TCP11L1: variants seen among roughly 807,000 people sequenced by gnomAD.
The protein encoded by TCP11L1 is T-complex protein 11-like protein 1.
Under a neutral mutation model 48.9 loss-of-function variants are expected in TCP11L1, and 28 were observed. The ratio of observed to expected loss-of-function variants is 0.57; its 90% confidence interval spans 0.42 to 0.78. The LOEUF (loss-of-function observed/expected upper bound fraction) is 0.78. TCP11L1 is among the 30% of genes least tolerant of loss of function. TCP11L1 has a pLI of 0.00. For missense variants in TCP11L1, 505 were observed against 613.4 expected, an observed-to-expected ratio of 0.82 and a Z score of 1.87; for synonymous variants, 204 against 231.9, an observed-to-expected ratio of 0.88 and a Z score of 1.09.
chr11:33,063,051 A>T (rs1407517018), intron 7 of TCP11L1, among the ~76,000 whole-genome samples: 1 of 152,168 alleles, frequency 6.6e-6, no homozygotes, highest in South Asian at 2.1e-4. Flanking sequence ...TTTTGTGGAG[A>T]CAGGGGTCTC....
rs555879796 is a variant in TCP11L1, at chr11:33,068,823, G to A, written c.1291G>A (p.Val431Met). ...ETVLKGQIQA[V>M]ASPDDPIRRI... is the part of the protein sequence containing the mutation. ...CGTGCTCAAGGGCCAGATCCAGGCC[G>A]TGGCCAGTCCCGATGACCCCATTCG... Residue 431 changes from valine (V) to methionine (M), a missense_variant, in exon 9 of 10, where the codon GTG becomes ATG. Val to Met is a conservative substitution (Grantham distance 21). Coordinates refer to ENST00000334274, the MANE Select transcript of TCP11L1 (RefSeq NM_018393.4). 1.1e-5 allele frequency: 18 copies of A among 1,613,972 alleles called. No homozygotes were observed. Among genetic ancestry groups the A allele is most frequent in the African/African-American group, 6.7e-5 (5 of 74,930 alleles).
intron 2 of TCP11L1, 84 bp downstream of exon 2, chr11:33,044,020 C>T (rs554117751): frequency 1.9e-5 from 26 of 1,369,564 alleles, no homozygotes; most frequent in Admixed American, 5.0e-5. Flanking sequence ...TGCATGTGGC[C>T]GTGAGCTAGG....
At chr11:33,063,004 A>G (rs111590915) in intron 7 of TCP11L1, among the ~76,000 whole-genome samples, 1,555 of 152,134 alleles carry the variant, frequency 0.01, 19 homozygotes, top group African/African-American at 0.035. Flanking sequence ...GGACTACAAG[A>G]GTGTACCACC....
chr11:33,066,303 A>T (rs945645210), intron 8 of TCP11L1, among the ~76,000 whole-genome samples: 1 of 152,142 alleles, frequency 6.6e-6, no homozygotes, highest in African/African-American at 2.4e-5. Context: ...CACACCAAGG[A>T]GTTGGGTTAT....
intron 2 of TCP11L1, among the ~76,000 whole-genome samples, chr11:33,053,840 A>T (rs1334107212): frequency 2.0e-5 from 3 of 151,808 alleles, no homozygotes; most frequent in Non-Finnish European, 2.9e-5. Flanking sequence ...TTTTATTTTT[A>T]TTTTTTTGAG....
intron 1 of TCP11L1, among the ~76,000 whole-genome samples, chr11:33,042,680 C>T (rs984123199): frequency 9.2e-5 from 14 of 152,176 alleles, no homozygotes; most frequent in African/African-American, 3.1e-4. Context: ...TGGCTGTAAT[C>T]CCAGTACTTT....
intron 1 of TCP11L1, among the ~76,000 whole-genome samples, chr11:33,042,283 C>T (rs887166117): frequency 7.2e-5 from 11 of 152,156 alleles, no homozygotes; most frequent in African/African-American, 2.2e-4. Context: ...GGCACCGCCA[C>T]CATGCCAGGC....
At chr11:33,054,868 A>G in intron 3 of TCP11L1, 143 bp downstream of exon 3, 1 of 1,087,374 alleles carries the variant, frequency 9.2e-7, no homozygotes, top group Non-Finnish European at 1.3e-6. Context: ...TGAACAAGGA[A>G]CAACCTAAAA....
intron 8 of TCP11L1, among the ~76,000 whole-genome samples, chr11:33,067,738 C>T (rs1854658104): frequency 3.9e-5 from 6 of 152,134 alleles, no homozygotes. Context: ...AGTAATTCTA[C>T]ATACAAAGGA....
At chr11:33,070,610 G>A (rs1238768878) in intron 9 of TCP11L1, among the ~76,000 whole-genome samples, 3 of 148,326 alleles carry the variant, frequency 2.0e-5, no homozygotes, top group Non-Finnish European at 3.0e-5. Context: ...GCTTGAACCT[G>A]AAAGGTGGAG....
At chr11:33,048,904 T>C (rs896007577) in intron 2 of TCP11L1, among the ~76,000 whole-genome samples, 8 of 152,162 alleles carry the variant, frequency 5.3e-5, no homozygotes, top group African/African-American at 1.9e-4. Context: ...GTTTCATGAC[T>C]AGGCAGCATA....
intron 9 of TCP11L1, among the ~76,000 whole-genome samples, chr11:33,070,400 AG>A (rs1854747060): frequency 6.6e-6 from 1 of 152,204 alleles, no homozygotes; most frequent in African/African-American, 2.4e-5. Flanking sequence ...CTTAAGAATA[AG>A]GGTGCTGAGC....
At chr11:33,057,625 C>T (rs1854347580) in intron 4 of TCP11L1, among the ~76,000 whole-genome samples, 1 of 152,180 alleles carries the variant, frequency 6.6e-6, no homozygotes, top group Non-Finnish European at 1.5e-5. Context: ...TGGAAATTGT[C>T]ATCAGCTATG....
intron 8 of TCP11L1, among the ~76,000 whole-genome samples, chr11:33,068,040 C>A (rs571513971): frequency 1.4e-4 from 22 of 152,188 alleles, no homozygotes; most frequent in Admixed American, 1.4e-3. Context: ...CCACAGTCTC[C>A]TGAGTAGCTG....
At chr11:33,070,685 CA>C (rs1182483117) in intron 9 of TCP11L1, among the ~76,000 whole-genome samples, 15,139 of 71,558 alleles carry the variant, frequency 0.21, 838 homozygotes, top group East Asian at 0.36. Context: ...AAGTCTGTCT[CA>C]AAAAAAAAAA....
rs192884365 is a variant in TCP11L1 at position 33,048,648 on chromosome 11, C to T, written c.163+4712C>T. 3.3e-5 allele frequency among the ~76,000 whole-genome samples: 5 copies of T among 152,290 alleles called. No homozygotes were observed. The East Asian group carries it at 9.6e-4, about 29-fold the overall frequency. On this transcript the variant is annotated intron_variant, in intron 2 of 9. Transcript: ENST00000334274. ...AACTTGGACAGTTCCTGAAAATTTT[C>T]TTCTTCCTAATGGTGAGGTTCTTAG...
At position 33,068,786 on chromosome 11, in the gene TCP11L1, G is replaced by A. The variant is rs144537216; in HGVS notation, c.1254G>A (p.Thr418=). The change falls in exon 9 of 10, where the codon ACG becomes ACA. Residue 418 remains threonine (T), a synonymous_variant. Coordinates refer to ENST00000334274, the MANE Select transcript of TCP11L1 (RefSeq NM_018393.4). ...LSLCGSSPFT[T]DKETVLKGQI... ...TGTGTGGGTCCTCTCCCTTCACCAC[G>A]GACAAGGAGACCGTGCTCAAGGGCC... The A allele has an allele frequency of 1.4e-5, 23 of 1,614,044 alleles. 1 individual carries two copies. The highest frequency in any genetic ancestry group is 6.6e-5 in the South Asian group (6 of 91,086).
At chr11:33,065,568 G>T (rs1489575521) in intron 7 of TCP11L1, among the ~76,000 whole-genome samples, 1 of 152,218 alleles carries the variant, frequency 6.6e-6, no homozygotes, top group Non-Finnish European at 1.5e-5. Flanking sequence ...CAGCCGGGGA[G>T]GTCATGGTAT....
At chr11:33,041,037 G>A (rs1488612838) in intron 1 of TCP11L1, 4 of 152,134 alleles carry the variant, frequency 2.6e-5, no homozygotes, top group African/African-American at 9.7e-5. Flanking sequence ...TTGAATTTAA[G>A]GCAGTGACAA....
Sources: allele counts gnomAD v4.1 joint callset (sites outside exome capture counted in the v4.1 genomes callset), GRCh38; gene constraint gnomAD v4.1.1; transcripts MANE v1.5; gene names NCBI Gene and HGNC (gene_info 2026-07-23, HGNC 2026-07-21).